Variants in GALNT17 observed in about 807,000 individuals in gnomAD.
The protein encoded by GALNT17 is UDP-GalNAc:polypeptide N-acetylgalactosaminyltransferase-like 3.
A neutral mutation model predicts 63.7 loss-of-function variants in GALNT17; 29 were observed. That is an observed-to-expected ratio of 0.46 (90% CI 0.34 to 0.62). The LOEUF is 0.62. Ranked by LOEUF, GALNT17 falls within the 20% of genes least tolerant of loss-of-function variation. The pLI is 0.01. For synonymous variants in GALNT17, 305 were observed against 318.3 expected (o/e 0.96, Z 0.45); for missense variants, 603 against 799.6 (o/e 0.75, Z 2.97).
Position 71,503,365 on chromosome 7 carries a change from C to T in GALNT17, c.963-67920C>T, listed in dbSNP as rs532638220. Reference sequence around the variant, plus strand: ...AAGCTATTCTCCTGCCTCAGCCTCCCGAGTAGCTGGGACTACAGGCACACA... The same window carrying T: ...AAGCTATTCTCCTGCCTCAGCCTCCTGAGTAGCTGGGACTACAGGCACACA... On this transcript the variant is annotated intron_variant, in intron 5 of 10. Coordinates refer to ENST00000333538, the MANE Select transcript of GALNT17 (RefSeq NM_022479.3). 3.9e-5 allele frequency among the ~76,000 whole-genome samples: 6 copies of T among 152,236 alleles called. No individual in the cohort carries two copies. In the South Asian group the frequency reaches 8.3e-4, roughly 21 times the overall value.
rs148054741 is a variant in GALNT17, at chr7:71,201,662, C to T, written c.238+68622C>T. Among the ~76,000 whole-genome samples, 117 of 147,514 alleles carry T rather than the reference C, an allele frequency of 7.9e-4. 1 individual carries two copies. Among genetic ancestry groups the T allele is most frequent in the African/African-American group, 2.7e-3 (106 of 39,488 alleles). On this transcript the variant is annotated intron_variant, in intron 1 of 10. Transcript: ENST00000333538. ...TTTTTAGTTTTTTGAGATGGAGTCT[C>T]GCTCTGTCACCAGGCTGGAGTGCAA...
At chr7:71,341,514 A>G (rs868005959) in intron 2 of GALNT17, among the ~76,000 whole-genome samples, 25 of 152,350 alleles carry the variant, frequency 1.6e-4, no homozygotes, top group Non-Finnish European at 3.4e-4. Flanking sequence ...TAAAATTTCA[A>G]AACAACTTGG....
chr7:71,390,730 C>T (rs991630667), intron 3 of GALNT17, among the ~76,000 whole-genome samples: 1 of 152,176 alleles, frequency 6.6e-6, no homozygotes, highest in African/African-American at 2.4e-5. Context: ...TGGCCCCCTT[C>T]ATCAGCCTTC....
intron 5 of GALNT17, among the ~76,000 whole-genome samples, chr7:71,446,330 C>CA (rs1036992461): frequency 6.6e-6 from 1 of 152,050 alleles, no homozygotes; most frequent in African/African-American, 2.4e-5. Context: ...ATCAAAAATA[C>CA]AAAAGATCAT....
intron 6 of GALNT17, among the ~76,000 whole-genome samples, chr7:71,625,034 T>A (rs1258544519): frequency 6.6e-6 from 1 of 152,198 alleles, no homozygotes; most frequent in East Asian, 1.9e-4. Flanking sequence ...TTTGACCTGG[T>A]AGAGCCCTGA....
chr7:71,452,622 A>G (rs1233617683), intron 5 of GALNT17, among the ~76,000 whole-genome samples: 4 of 152,220 alleles, frequency 2.6e-5, no homozygotes, highest in Admixed American at 6.5e-5. Context: ...GTTGGATAAA[A>G]AAGTATTTAT....
intron 6 of GALNT17, among the ~76,000 whole-genome samples, chr7:71,627,802 C>T (rs1032732373): frequency 6.6e-6 from 1 of 151,772 alleles, no homozygotes; most frequent in Non-Finnish European, 1.5e-5. Context: ...AAGAACAATG[C>T]CCCCCCGCCC....
chr7:71,185,311 T>TC (rs1182264883), intron 1 of GALNT17, among the ~76,000 whole-genome samples: 1 of 150,466 alleles, frequency 6.6e-6, no homozygotes, highest in African/African-American at 2.4e-5. Context: ...GCTCAGGTGA[T>TC]CCCCCCACCT....
chr7:71,513,713 T>C (rs1447830708), intron 5 of GALNT17, among the ~76,000 whole-genome samples: 1 of 152,004 alleles, frequency 6.6e-6, no homozygotes, highest in African/African-American at 2.4e-5. Context: ...TTTAATCCTT[T>C]AAGGTACTAG....
chr7:71,529,304 TG>T (rs60199686), intron 5 of GALNT17, among the ~76,000 whole-genome samples: 20,183 of 151,818 alleles, frequency 0.13, 2,104 homozygotes, highest in East Asian at 0.28. Flanking sequence ...CTTCAAGGGA[TG>T]GGGGGGCAAT....
At chr7:71,564,700 C>T (rs1313946844) in intron 5 of GALNT17, among the ~76,000 whole-genome samples, 1 of 152,132 alleles carries the variant, frequency 6.6e-6, no homozygotes, top group Non-Finnish European at 1.5e-5. Context: ...TGATGAGGCC[C>T]GCCTGGGACA....
At chr7:71,180,990 C>G (rs1028088213) in intron 1 of GALNT17, among the ~76,000 whole-genome samples, 10 of 152,162 alleles carry the variant, frequency 6.6e-5, no homozygotes, top group African/African-American at 2.4e-4. Flanking sequence ...TGCGGTGGCT[C>G]ACTCCTGTAA....
At chr7:71,243,621 A>T (rs1341406684) in intron 1 of GALNT17, among the ~76,000 whole-genome samples, 1 of 151,684 alleles carries the variant, frequency 6.6e-6, no homozygotes, top group Non-Finnish European at 1.5e-5. Flanking sequence ...CCCAGGCTGG[A>T]CTCAAACTCC....
rs888927475 is a variant in GALNT17, at chr7:71,572,513, A to AAAC, written c.1080+1113_1080+1114insCAA. On this transcript the variant is annotated intron_variant, in intron 6 of 10. Coordinates refer to ENST00000333538, the MANE Select transcript of GALNT17 (RefSeq NM_022479.3). ...CAAGACCCTGTCTCATTAAAAAAAA[A>AAAC]AAAAAAAAAAAAAAAAACTACATGT... 2.2e-4 allele frequency among the ~76,000 whole-genome samples: 31 copies of AAAC among 140,598 alleles called. 1 individual carries two copies. Among genetic ancestry groups the AAAC allele is most frequent in the Middle Eastern group, 7.0e-3 (2 of 286 alleles). 92.2% of individuals were successfully genotyped at this position (140,598 alleles called of 152,430 possible). A position where few individuals can be genotyped will look rare whatever the true frequency, so the allele number is the denominator to read the frequency against.
At chr7:71,499,434 A>G (rs758404523) in intron 5 of GALNT17, among the ~76,000 whole-genome samples, 1 of 152,206 alleles carries the variant, frequency 6.6e-6, no homozygotes, top group Non-Finnish European at 1.5e-5. Context: ...CTAATCTCAG[A>G]TGATGTTGAT....
intron 1 of GALNT17, among the ~76,000 whole-genome samples, chr7:71,287,554 C>T (rs966656012): frequency 6.6e-6 from 1 of 152,144 alleles, no homozygotes; most frequent in Non-Finnish European, 1.5e-5. Flanking sequence ...TTTAACAATG[C>T]AGGGGTTAGA....
chr7:71,626,222 A>C (rs1790373654), intron 6 of GALNT17, among the ~76,000 whole-genome samples: 1 of 146,180 alleles, frequency 6.8e-6, no homozygotes, highest in South Asian at 2.4e-4. Context: ...CCAGCCTGGC[A>C]ACAGAGCAAG....
intron 1 of GALNT17, among the ~76,000 whole-genome samples, chr7:71,144,410 A>G (rs921873193): frequency 6.6e-6 from 1 of 152,100 alleles, no homozygotes; most frequent in Non-Finnish European, 1.5e-5. Context: ...CCTGATAATC[A>G]TCATTATTAT....
At chr7:71,534,712 G>A (rs185175137) in intron 5 of GALNT17, among the ~76,000 whole-genome samples, 14 of 151,978 alleles carry the variant, frequency 9.2e-5, no homozygotes, top group Admixed American at 2.6e-4. Flanking sequence ...TCCCTCCCAC[G>A]ACACGTGGGG....
Sources: allele counts gnomAD v4.1 joint callset (sites outside exome capture counted in the v4.1 genomes callset), GRCh38; gene constraint gnomAD v4.1.1; transcripts MANE v1.5; gene names NCBI Gene and HGNC (gene_info 2026-07-23, HGNC 2026-07-21).